Variants in DOC2A observed in about 807,000 individuals in gnomAD.
DOC2A encodes double C2-like domain-containing protein alpha.
DOC2A carries 28 observed loss-of-function variants against 40.6 expected under a neutral mutation model. That is an observed-to-expected ratio of 0.69 (90% confidence interval 0.51 to 0.95). The LOEUF (loss-of-function observed/expected upper bound fraction) is 0.95, where lower values mean the gene tolerates loss of function less well. DOC2A is among the 40% of genes least tolerant of loss of function. The pLI is 0.00. For missense variants in DOC2A, 474 were observed against 552.5 expected, an observed-to-expected ratio of 0.86 and a Z score of 1.42; for synonymous variants, 241 against 236.9, an observed-to-expected ratio of 1.02 and a Z score of -0.16.
chr16:30,006,155 G>A lies in DOC2A; in HGVS notation c.*31C>T, dbSNP rs375326561. ...GAAGGTTGGGTACTGGACCCGGCTC[G>A]ATGGGCCTGTGCCGGGACACTGCTG... On this transcript the variant is annotated 3_prime_UTR_variant, in exon 11 of 11. Coordinates refer to ENST00000350119, the MANE Select transcript of DOC2A (RefSeq NM_003586.3). This position sits in a 1 kb window ranked among gnomAD's most constrained non-coding sequence, Gnocchi z 6.2. 1.5e-4 allele frequency: 234 copies of A among 1,555,086 alleles called. No individual in the cohort carries two copies. In the African/African-American group the frequency reaches 2.1e-3, roughly 14 times the overall value.
rs2070566267 is a variant in DOC2A at position 30,005,887 on chromosome 16, GGA to G, written c.*297_*298del. The G allele has an allele frequency of 2.0e-6, 1 of 507,096 alleles. No individual in the cohort carries two copies. Among genetic ancestry groups the G allele is most frequent in the Non-Finnish European group, 3.5e-6 (1 of 284,928 alleles). The allele number at this position is 507,096 out of a possible 1,614,324, so 31.4% of individuals were successfully genotyped here. ...TTGGGGGAGAGGGACGGGGCAGCGT[GGA>G]GAGGCAGGAGTGAGGAGCGCGGGGG... On this transcript the variant is annotated 3_prime_UTR_variant, in exon 11 of 11. Coordinates refer to ENST00000350119, the MANE Select transcript of DOC2A (RefSeq NM_003586.3).
Position 30,006,102 on chromosome 16 carries a change from C to T in DOC2A, c.*84G>A, listed in dbSNP as rs1268096686. ...GTAGTGCAGGGTGGGGGCAGCCCACCCTGTGTAAACGTGCAACACACTCGT... is the reference window on the plus strand; with the variant it reads ...GTAGTGCAGGGTGGGGGCAGCCCACTCTGTGTAAACGTGCAACACACTCGT... On this transcript the variant is annotated 3_prime_UTR_variant, in exon 11 of 11. Transcript: ENST00000350119. This position sits in a 1 kb window ranked among gnomAD's most constrained non-coding sequence, Gnocchi z 6.2. 6.8e-7 allele frequency: 1 copy of T among 1,468,178 alleles called. No homozygotes were observed. The highest frequency in any genetic ancestry group is 9.1e-7 in the Non-Finnish European group (1 of 1,096,632). 90.9% of individuals were successfully genotyped at this position (1,468,178 alleles called of 1,614,324 possible). A position where few individuals can be genotyped will look rare whatever the true frequency, so the allele number is the denominator to read the frequency against.
At chr16:30,007,590 A>G (rs538812442) in intron 5 of DOC2A, 1 of 472,500 alleles carries the variant, frequency 2.1e-6, no homozygotes, top group South Asian at 2.0e-5. Context: ...GGAGCCGAAC[A>G]CCACGGTGGA....
Position 30,006,362 on chromosome 16 carries a change from C to T in DOC2A, c.1058-31G>A. The T allele has an allele frequency of 3.1e-6, 5 of 1,612,834 alleles. 1 individual carries two copies. The Middle Eastern group carries it at 5.0e-4, about 160-fold the overall frequency. On this transcript the variant is annotated intron_variant, in intron 10 of 10. Coordinates refer to ENST00000350119, the MANE Select transcript of DOC2A (RefSeq NM_003586.3). This position sits in a 1 kb window ranked among gnomAD's most constrained non-coding sequence, Gnocchi z 6.2. ...GAGCAGGTGGGCAGGGTCAGGGCCACCTCCCTGCCACTTGCCCGCCCTCAA... is the reference window on the plus strand; with the variant it reads ...GAGCAGGTGGGCAGGGTCAGGGCCATCTCCCTGCCACTTGCCCGCCCTCAA...
Position 30,009,583 on chromosome 16 carries a change from G to T in DOC2A, c.263-26C>A. On this transcript the variant is annotated intron_variant, in intron 2 of 10. Transcript: ENST00000350119. The surrounding 1 kb of genome is among the most constrained non-coding windows in gnomAD (Gnocchi z 4.1). ...CTGGAGAGAGAGGAAAGGCAGCATGGGTCGGTATGGAGACAGGTGTGTGCG... is the reference window on the plus strand; with the variant it reads ...CTGGAGAGAGAGGAAAGGCAGCATGTGTCGGTATGGAGACAGGTGTGTGCG... 2 of 1,545,004 alleles carry T rather than the reference G, an allele frequency of 1.3e-6. No individual in the cohort carries two copies. Among genetic ancestry groups the T allele is most frequent in the Non-Finnish European group, 1.8e-6 (2 of 1,142,654 alleles).
rs774523232 is a variant in DOC2A at position 30,010,133 on chromosome 16, G to GCGGATGGGC, written c.81_89dup (p.Pro28_Arg30dup). The stretch of plus-strand genomic sequence containing the variant: ...CCCGGGGGAAGTAGTCAGAGATCTG[G>GCGGATGGGC]CGGATGGGCCGGATGGGCCCGGGGC... On this transcript the variant is annotated inframe_insertion, in exon 2 of 11. Coordinates refer to ENST00000350119, the MANE Select transcript of DOC2A (RefSeq NM_003586.3). This position sits in a 1 kb window ranked among gnomAD's most constrained non-coding sequence, Gnocchi z 4.2. 6.2e-7 allele frequency: 1 copy of GCGGATGGGC among 1,613,854 alleles called. No individual in the cohort carries two copies. The highest frequency in any genetic ancestry group is 1.7e-5 in the Admixed American group (1 of 60,034).
At chr16:30,007,516 T>C (rs2070653705) in intron 5 of DOC2A, 9 of 627,740 alleles carry the variant, frequency 1.4e-5, no homozygotes. Flanking sequence ...GCTCAGCCAT[T>C]GTGGGAAGCC....
chr16:30,020,097 C>T (rs1404823892), intron 1 of DOC2A, among the ~76,000 whole-genome samples: 1 of 152,048 alleles, frequency 6.6e-6, no homozygotes, highest in Non-Finnish European at 1.5e-5. Flanking sequence ...TTAGTAGAGA[C>T]GTGGTTTCAC....
In DOC2A at chr16:30,010,151, C is replaced by T. The variant is rs756886776; in HGVS notation, c.72G>A (p.Gly24=). 2.5e-6 allele frequency: 4 copies of T among 1,613,852 alleles called. No individual in the cohort carries two copies. The highest frequency in any genetic ancestry group is 3.4e-6 in the Non-Finnish European group (4 of 1,179,962). The change falls in exon 2 of 11, where the codon GGG becomes GGA. Residue 24 remains glycine (G), a synonymous_variant. Transcript: ENST00000350119. The surrounding 1 kb of genome is among the most constrained non-coding windows in gnomAD (Gnocchi z 4.2). ...AGATCTGGCGGATGGGCCGGATGGG[C>T]CCGGGGCACACGTTGATGGCCATGT... is the stretch of plus-strand genomic sequence containing the variant. ...QEHMAINVCP[G]PIRPIRQISD... is the part of the protein sequence containing the mutation.
chr16:30,013,626 A>AAAAAAAAAAAAAAAAAC, upstream of DOC2A: 1 of 150,966 alleles, frequency 6.6e-6, no homozygotes, highest in Non-Finnish European at 1.5e-5. Flanking sequence ...AAAAAAAAAA[A>AAAAAAAAAAAAAAAAAC]ATCCTTAGAC....
Position 30,010,407 on chromosome 16 carries a change from C to A in DOC2A, c.-13-172G>T. On this transcript the variant is annotated intron_variant, in intron 1 of 10. Coordinates refer to ENST00000350119, the MANE Select transcript of DOC2A (RefSeq NM_003586.3). This position sits in a 1 kb window ranked among gnomAD's most constrained non-coding sequence, Gnocchi z 4.2. ...AGGTGGGAGGCCTGGGCCCTGCAGA[C>A]CCCAAGCTGACTCCACAGGGGCTGG... 2 of 847,562 alleles carry A rather than the reference C, an allele frequency of 2.4e-6. No individual in the cohort carries two copies. Among genetic ancestry groups the A allele is most frequent in the Non-Finnish European group, 3.8e-6 (2 of 530,956 alleles). 52.5% of individuals were successfully genotyped at this position (847,562 alleles called of 1,614,324 possible). A position where few individuals can be genotyped will look rare whatever the true frequency, so the allele number is the denominator to read the frequency against.
chr16:30,013,915 C>G (rs1333889133), upstream of DOC2A, among the ~76,000 whole-genome samples: 1 of 152,004 alleles, frequency 6.6e-6, no homozygotes, highest in Non-Finnish European at 1.5e-5. Flanking sequence ...CGGTGTTTCA[C>G]CATCTTAGCC....
chr16:30,007,873 G>T (rs905753888), intron 5 of DOC2A: 1 of 191,468 alleles, frequency 5.2e-6, no homozygotes, highest in African/African-American at 2.3e-5. Context: ...CCACCTGTGT[G>T]ACCTTGGGCA....
chr16:30,011,315 C>G (rs913337307), upstream of DOC2A: 4 of 984,230 alleles, frequency 4.1e-6, no homozygotes, highest in African/African-American at 7.0e-5. Flanking sequence ...CCCAGGCGCG[C>G]GCTGGCACAC....
In DOC2A at chr16:30,005,908, G is replaced by A. The variant is rs757267322; in HGVS notation, c.*278C>T. On this transcript the variant is annotated 3_prime_UTR_variant, in exon 11 of 11. Transcript: ENST00000350119. ...GCGTGGAGAGGCAGGAGTGAGGAGCGCGGGGGCCTGGGGCCGGGCTCTGAG... is the reference window on the plus strand; with the variant it reads ...GCGTGGAGAGGCAGGAGTGAGGAGCACGGGGGCCTGGGGCCGGGCTCTGAG... 43 of 529,828 alleles carry A rather than the reference G, an allele frequency of 8.1e-5. No individual in the cohort carries two copies. Among genetic ancestry groups the A allele is most frequent in the East Asian group, 2.3e-4 (7 of 30,108 alleles). 32.8% of individuals were successfully genotyped at this position (529,828 alleles called of 1,614,324 possible).
At chr16:30,019,299 C>T (rs2070888956) in intron 1 of DOC2A, among the ~76,000 whole-genome samples, 1 of 152,094 alleles carries the variant, frequency 6.6e-6, no homozygotes, top group South Asian at 2.1e-4. Context: ...GCCTGGGTGA[C>T]TGAATGAGAC....
At position 30,005,524 on chromosome 16, in the gene DOC2A, G is replaced by C; in HGVS notation, c.*662C>G. 2.3e-6 allele frequency: 3 copies of C among 1,325,972 alleles called. No individual in the cohort carries two copies. The highest frequency in any genetic ancestry group is 3.2e-6 in the Non-Finnish European group (3 of 951,778). 82.1% of individuals were successfully genotyped at this position (1,325,972 alleles called of 1,614,324 possible). A position where few individuals can be genotyped will look rare whatever the true frequency, so the allele number is the denominator to read the frequency against. On this transcript the variant is annotated 3_prime_UTR_variant, in exon 11 of 11. Coordinates refer to ENST00000350119, the MANE Select transcript of DOC2A (RefSeq NM_003586.3). ...ACACACGAGTCCAGCTTCCTCGGAG[G>C]TGTTTATTGATGCCCAGCTGCCATG... is the stretch of plus-strand genomic sequence containing the variant.
At chr16:30,018,566 T>C (rs1369949263) in intron 1 of DOC2A, 1 of 152,054 alleles carries the variant, frequency 6.6e-6, no homozygotes, top group Non-Finnish European at 1.5e-5. Flanking sequence ...GAGCAGACCA[T>C]CTAGAGGAAT....
In DOC2A at chr16:30,005,834, A is replaced by G; in HGVS notation, c.*352T>C. The G allele has an allele frequency of 2.2e-6, 1 of 463,380 alleles. No individual in the cohort carries two copies. Among genetic ancestry groups the G allele is most frequent in the Non-Finnish European group, 3.8e-6 (1 of 259,994 alleles). 28.7% of individuals were successfully genotyped at this position (463,380 alleles called of 1,614,324 possible). Reference sequence around the variant, plus strand: ...TTTTTTGAGACATTCTCCTCCTCTGAACCTCCCCTAATCCGACCTCCTCCC... The same window carrying G: ...TTTTTTGAGACATTCTCCTCCTCTGGACCTCCCCTAATCCGACCTCCTCCC... On this transcript the variant is annotated 3_prime_UTR_variant, in exon 11 of 11. Transcript: ENST00000350119.
Sources: allele counts gnomAD v4.1 joint callset (sites outside exome capture counted in the v4.1 genomes callset), GRCh38; gene constraint gnomAD v4.1.1; non-coding constraint Gnocchi (gnomAD v3.1); transcripts MANE v1.5; gene names NCBI Gene and HGNC (gene_info 2026-07-23, HGNC 2026-07-21).